PROM1: variants seen among roughly 807,000 people sequenced by gnomAD.
The protein encoded by PROM1 is prominin-1.
PROM1 carries 105 observed loss-of-function variants against 116.9 expected under a neutral mutation model. The ratio of observed to expected loss-of-function variants is 0.90; its 90% CI spans 0.77 to 1.06. The LOEUF is 1.06. Among genes scored for constraint, PROM1 ranks in the 50% least tolerant of loss-of-function variants. The pLI, the probability that PROM1 is intolerant of heterozygous loss-of-function variation, is 0.00. For synonymous variants in PROM1, 393 were observed against 387.0 expected (o/e 1.02, Z -0.18); for missense variants, 1,122 against 1,045.2 (o/e 1.07, Z -1.01).
chr4:16,012,870 CA>C (rs71179681), intron 11 of PROM1, among the ~76,000 whole-genome samples: 1,960 of 84,226 alleles, frequency 0.023, 29 homozygotes, highest in African/African-American at 0.083. Flanking sequence ...GACTCTGTCT[CA>C]AAAAAAAAAA....
rs1473138813 is a variant in PROM1, at chr4:15,993,996, G to C, written c.1758C>G (p.Asn586Lys). ...QNSFNISEHL[N>K]INEHTGSISS... ...GACGAGTTCTAATTACCTCATTAAT[G>C]TTGAGATGTTCACTGATATTGAAGC... Residue 586 changes from asparagine to lysine, a missense_variant, in exon 16 of 28, where the codon AAC (asparagine) becomes AAG (lysine). Transcript: ENST00000447510. 6.2e-7 allele frequency: 1 copy of C among 1,613,876 alleles called. No individual in the cohort carries two copies. Among genetic ancestry groups the C allele is most frequent in the Non-Finnish European group, 8.5e-7 (1 of 1,179,804 alleles).
chr4:16,031,658 AAGAG>A (rs544269173), intron 5 of PROM1, among the ~76,000 whole-genome samples: 1 of 151,584 alleles, frequency 6.6e-6, no homozygotes, highest in African/African-American at 2.4e-5. Context: ...AAGGGAAGAA[AAGAG>A]AGAGAGAGAG....
intron 17 of PROM1, among the ~76,000 whole-genome samples, chr4:15,991,495 A>G (rs925457274): frequency 6.6e-6 from 1 of 152,114 alleles, no homozygotes; most frequent in Non-Finnish European, 1.5e-5. Context: ...TTATTCAACT[A>G]TGAAAAGGAA....
intron 2 of PROM1, among the ~76,000 whole-genome samples, chr4:16,054,861 G>GA (rs751033617): frequency 6.6e-6 from 1 of 151,752 alleles, no homozygotes; most frequent in Non-Finnish European, 1.5e-5. Flanking sequence ...TTCCGGGGGG[G>GA]AAAAAAATCA....
intron 11 of PROM1, among the ~76,000 whole-genome samples, chr4:16,011,123 G>T (rs753760981): frequency 1.3e-5 from 2 of 152,080 alleles, no homozygotes; most frequent in African/African-American, 4.8e-5. Flanking sequence ...ACATGGCTCC[G>T]TGACTTTGCT....
At position 16,076,127 on chromosome 4, in the gene PROM1, G is replaced by T; in HGVS notation, c.-212-9C>A. 1 of 896,848 alleles carries T rather than the reference G, an allele frequency of 1.1e-6. No homozygotes were observed. Among genetic ancestry groups the T allele is most frequent in the Non-Finnish European group, 1.6e-6 (1 of 628,454 alleles). 55.6% of individuals were successfully genotyped at this position (896,848 alleles called of 1,614,324 possible). A position where few individuals can be genotyped will look rare whatever the true frequency, so the allele number is the denominator to read the frequency against. Reference sequence around the variant, plus strand: ...CACTCAAGGCACCATCCCTGGCAGGGAGAGAAACAGCAGCAGAGTCATCAA... The same window carrying T: ...CACTCAAGGCACCATCCCTGGCAGGTAGAGAAACAGCAGCAGAGTCATCAA... On this transcript the variant is annotated splice_polypyrimidine_tract_variant and intron_variant, in intron 1 of 27. Transcript: ENST00000447510.
intron 13 of PROM1, among the ~76,000 whole-genome samples, chr4:16,004,832 T>TTTTTCTTCCTTCCTTC (rs1203366908): frequency 3.3e-4 from 41 of 122,608 alleles, no homozygotes; most frequent in African/African-American, 9.3e-4. Context: ...TCTTTCTTTT[T>TTTTTCTTCCTTCCTTC]CTTCCTTCCT....
intron 2 of PROM1, among the ~76,000 whole-genome samples, chr4:16,054,404 T>A (rs962593489): frequency 6.6e-6 from 1 of 152,208 alleles, no homozygotes; most frequent in African/African-American, 2.4e-5. Context: ...TATCTTGATT[T>A]GTCCAGACAG....
chr4:15,985,516 A>G (rs1427324717), intron 22 of PROM1: 2 of 472,016 alleles, frequency 4.2e-6, no homozygotes, highest in African/African-American at 2.0e-5. Flanking sequence ...GTTACCTGAA[A>G]AAGGGGGTGG....
chr4:16,025,177 G>A lies in PROM1; in HGVS notation c.630+15C>T, dbSNP rs780526326. The A allele has an allele frequency of 2.5e-6, 4 of 1,612,928 alleles. No homozygotes were observed. Among genetic ancestry groups the A allele is most frequent in the South Asian group, 2.2e-5 (2 of 91,028 alleles). ...AATATAAAGCATCGCGGTACATAGA[G>A]ATGATGGTTTTTACCTCTGGAGTTT... On this transcript the variant is annotated intron_variant, in intron 6 of 27. Transcript: ENST00000447510.
intron 15 of PROM1, among the ~76,000 whole-genome samples, chr4:15,997,588 T>C (rs897678252): frequency 3.3e-5 from 5 of 152,046 alleles, no homozygotes; most frequent in Non-Finnish European, 7.4e-5. Flanking sequence ...GCCTCCTGAG[T>C]AGCTGAGTCT....
intron 27 of PROM1, among the ~76,000 whole-genome samples, chr4:15,970,682 G>A (rs1037777826): frequency 2.4e-4 from 37 of 151,934 alleles, no homozygotes; most frequent in African/African-American, 7.5e-4. Context: ...TTCCAGGACC[G>A]CTACACACAT....
At chr4:15,989,463 T>C (rs558631578) in intron 19 of PROM1, among the ~76,000 whole-genome samples, 2 of 152,346 alleles carry the variant, frequency 1.3e-5, no homozygotes, top group African/African-American at 4.8e-5. Flanking sequence ...TAGGAGGGCC[T>C]GCTCACAGCA....
At chr4:16,065,042 C>T (rs1741201720) in intron 2 of PROM1, among the ~76,000 whole-genome samples, 1 of 152,208 alleles carries the variant, frequency 6.6e-6, no homozygotes, top group African/African-American at 2.4e-5. Flanking sequence ...CCACTAGTGT[C>T]CAAATACACA....
intron 5 of PROM1, among the ~76,000 whole-genome samples, chr4:16,031,416 G>T (rs993214015): frequency 2.6e-5 from 4 of 152,080 alleles, no homozygotes; most frequent in African/African-American, 9.7e-5. Flanking sequence ...TCTTCTGGTA[G>T]CTGAAAAAGA....
chr4:16,032,304 A>G (rs553655467), intron 5 of PROM1, among the ~76,000 whole-genome samples: 25 of 152,122 alleles, frequency 1.6e-4, no homozygotes, highest in Non-Finnish European at 3.2e-4. Flanking sequence ...ACCCTAAGCC[A>G]TACACATCTT....
At chr4:16,070,827 C>T (rs913546058) in intron 2 of PROM1, among the ~76,000 whole-genome samples, 4 of 152,244 alleles carry the variant, frequency 2.6e-5, no homozygotes, top group East Asian at 1.9e-4. Flanking sequence ...CTGTTTCTTA[C>T]GAGGCAATGC....
At chr4:16,036,605 GA>G (rs1330668655) in intron 3 of PROM1, among the ~76,000 whole-genome samples, 1 of 152,160 alleles carries the variant, frequency 6.6e-6, no homozygotes, top group African/African-American at 2.4e-5. Context: ...GTGTGTTAAA[GA>G]AAAACATTGA....
chr4:16,053,250 G>A (rs1228413620), intron 2 of PROM1, among the ~76,000 whole-genome samples: 2 of 152,202 alleles, frequency 1.3e-5, no homozygotes, highest in African/African-American at 4.8e-5. Flanking sequence ...TTTCAGGTTT[G>A]AGGTTATTCA....
Sources: gnomAD v4.1 joint callset for allele counts (sites outside exome capture counted in the v4.1 genomes callset) on GRCh38, gnomAD v4.1.1 for gene constraint, MANE v1.5 for transcripts, NCBI Gene and HGNC (gene_info 2026-07-23, HGNC 2026-07-21) for gene names.